TULP4: variants seen among roughly 807,000 people sequenced by gnomAD.
The protein encoded by TULP4 is tubby-related protein 4.
A neutral mutation model predicts 129.0 loss-of-function variants in TULP4; 16 were observed. That is an observed-to-expected ratio of 0.12 (90% CI 0.08 to 0.19). The LOEUF (loss-of-function observed/expected upper bound fraction) is 0.19. Ranked by LOEUF, TULP4 falls within the 10% of genes least tolerant of loss-of-function variation. TULP4 has a pLI of 1.00. For missense variants in TULP4, 1,842 were observed against 2,059.1 expected (o/e 0.89, Z 2.04); for synonymous variants, 998 against 854.0 (o/e 1.17, Z -2.94).
chr6:158,479,837 G>A lies in TULP4; in HGVS notation c.1113G>A (p.Glu371=), dbSNP rs750961147. 1.9e-6 allele frequency: 3 copies of A among 1,614,012 alleles called. No homozygotes were observed. Among genetic ancestry groups the A allele is most frequent in the Non-Finnish European group, 1.7e-6 (2 of 1,180,004 alleles). The part of the protein sequence containing the change: ...SGPALYVVRV[E]HRVSSLQLLC... ...CAGCCCTGTACGTGGTGCGTGTGGA[G>A]CACCGGGTGTCCAGCCTGCAGCTGC... The change falls in exon 7 of 14, where the codon GAG becomes GAA. Residue 371 remains glutamate (E), a synonymous_variant. Coordinates refer to ENST00000367097, the MANE Select transcript of TULP4 (RefSeq NM_020245.5).
intron 1 of TULP4, among the ~76,000 whole-genome samples, chr6:158,330,009 A>G (rs1779839886): frequency 7.5e-6 from 1 of 133,184 alleles, no homozygotes; most frequent in South Asian, 2.8e-4. Flanking sequence ...GTAATATTAA[A>G]TTTTAAATAG....
chr6:158,285,997 A>G (rs1002099494), intron 1 of TULP4, among the ~76,000 whole-genome samples: 3 of 152,370 alleles, frequency 2.0e-5, no homozygotes, highest in Middle Eastern at 3.4e-3. Flanking sequence ...CAAGTAAAAA[A>G]GATGGCAGCA....
At chr6:158,366,110 A>G (rs113319307) in intron 1 of TULP4, among the ~76,000 whole-genome samples, 2 of 151,654 alleles carry the variant, frequency 1.3e-5, no homozygotes, top group African/African-American at 4.8e-5. Flanking sequence ...TCACCATGTT[A>G]GCCAGGATGG....
At chr6:158,246,512 A>G (rs1182288766) in intron 1 of TULP4, among the ~76,000 whole-genome samples, 1 of 151,672 alleles carries the variant, frequency 6.6e-6, no homozygotes, top group Non-Finnish European at 1.5e-5. Context: ...AAAAAATTAA[A>G]TACATTATTT....
At chr6:158,427,127 A>G (rs1778512131) in intron 2 of TULP4, among the ~76,000 whole-genome samples, 1 of 152,222 alleles carries the variant, frequency 6.6e-6, no homozygotes, top group East Asian at 1.9e-4. Context: ...GTATATTCAT[A>G]CAACGGAATA....
At chr6:158,449,273 C>G (rs927060786) in intron 4 of TULP4, 97 bp downstream of exon 4, 1 of 1,304,446 alleles carries the variant, frequency 7.7e-7, no homozygotes, top group Non-Finnish European at 1.0e-6. Flanking sequence ...GGTGAAGGGC[C>G]GCCACACCTA....
chr6:158,460,680 T>C (rs528524013), intron 5 of TULP4, among the ~76,000 whole-genome samples: 176 of 152,306 alleles, frequency 1.2e-3, no homozygotes, highest in Middle Eastern at 6.8e-3. Flanking sequence ...CACAACATCA[T>C]CAAATGACAA....
At chr6:158,348,558 T>C (rs1012234092) in intron 1 of TULP4, among the ~76,000 whole-genome samples, 2 of 151,984 alleles carry the variant, frequency 1.3e-5, no homozygotes, top group Non-Finnish European at 2.9e-5. Flanking sequence ...CAAAATGGAG[T>C]CTCCTATGTC....
chr6:158,438,862 A>G (rs1375622323), intron 3 of TULP4, among the ~76,000 whole-genome samples: 1 of 152,086 alleles, frequency 6.6e-6, no homozygotes, highest in Non-Finnish European at 1.5e-5. Context: ...CACCTGGCCC[A>G]CAGATTTATA....
intron 1 of TULP4, among the ~76,000 whole-genome samples, chr6:158,330,219 T>C (rs1489333528): frequency 6.6e-6 from 1 of 152,230 alleles, no homozygotes; most frequent in Non-Finnish European, 1.5e-5. Context: ...TTGCCACATG[T>C]GGCTAGTAAC....
chr6:158,239,676 C>G (rs1777815604), intron 1 of TULP4, among the ~76,000 whole-genome samples: 1 of 68,834 alleles, frequency 1.5e-5, no homozygotes, highest in Non-Finnish European at 3.2e-5. Flanking sequence ...GGGCGGCTGG[C>G]CGGGCAGAGG....
chr6:158,422,341 T>C (rs567679328), intron 2 of TULP4, among the ~76,000 whole-genome samples: 3 of 152,264 alleles, frequency 2.0e-5, no homozygotes, highest in South Asian at 4.1e-4. Context: ...AAGATGCAGG[T>C]AGTTCAATGG....
intron 6 of TULP4, among the ~76,000 whole-genome samples, chr6:158,468,710 G>A (rs1779607823): frequency 6.6e-6 from 1 of 152,160 alleles, no homozygotes; most frequent in African/African-American, 2.4e-5. Flanking sequence ...CTTAGACTGG[G>A]TGATTTATAA....
rs185638482 is a variant in TULP4 at position 158,372,282 on chromosome 6, T to A, written c.253-40783T>A. Among the ~76,000 whole-genome samples, 4 of 151,358 alleles carry A rather than the reference T, an allele frequency of 2.6e-5. No homozygotes were observed. The East Asian group carries it at 7.8e-4, about 29-fold the overall frequency. ...TGATCAGGCTCTCTGAAGAGGACAGTCTATGACTGCATGATGATTTTAACT... is the reference window on the plus strand; with the variant it reads ...TGATCAGGCTCTCTGAAGAGGACAGACTATGACTGCATGATGATTTTAACT... On this transcript the variant is annotated intron_variant, in intron 1 of 13. Coordinates refer to ENST00000367097, the MANE Select transcript of TULP4 (RefSeq NM_020245.5).
rs761118041 is a variant in TULP4 at position 158,452,191 on chromosome 6, G to A, written c.782G>A (p.Ser261Asn). 6.2e-7 allele frequency: 1 copy of A among 1,614,210 alleles called. No homozygotes were observed. ...VQNIKPLLTV[S>N]FTSGDISLMN... ...AACATCAAGCCTCTGCTCACCGTCA[G>A]CTTCACCTCGGGAGACATCAGCTTA... Residue 261 changes from serine (S) to asparagine (N), a missense_variant, in exon 5 of 14, where the codon AGC (serine) becomes AAC (asparagine). Around this residue, in one of 5 missense-constraint regions of TULP4, gnomAD observed 456 missense variants for 534.3 expected, o/e 0.85. Transcript: ENST00000367097.
intron 13 of TULP4, among the ~76,000 whole-genome samples, chr6:158,504,408 G>A (rs6903058): frequency 0.37 from 55,460 of 151,308 alleles, 10,292 homozygotes; most frequent in South Asian, 0.44. Context: ...GTGCAGTGGC[G>A]CAGTCTTGGC....
rs1780711526 is a variant in TULP4 at position 158,510,430 on chromosome 6, A to G, written c.*3736A>G. The G allele has an allele frequency of 6.6e-6, 1 of 152,246 alleles. No homozygotes were observed. The highest frequency in any genetic ancestry group is 2.4e-5 in the African/African-American group (1 of 41,444). The allele number at this position is 152,246 out of a possible 1,614,324, so 9.4% of individuals were successfully genotyped here. ...AGGCCTCCACTTGTCCATCTGTGAA[A>G]TGAAAGGATCAGCCTGGACAGCCCT... On this transcript the variant is annotated 3_prime_UTR_variant, in exon 14 of 14. Coordinates refer to ENST00000367097, the MANE Select transcript of TULP4 (RefSeq NM_020245.5).
At chr6:158,505,726 C>T (rs997645877) in intron 13 of TULP4, among the ~76,000 whole-genome samples, 5 of 152,284 alleles carry the variant, frequency 3.3e-5, no homozygotes, top group South Asian at 2.1e-4. Flanking sequence ...CCTGAGGCAG[C>T]GGTGTTGGAC....
intron 1 of TULP4, among the ~76,000 whole-genome samples, chr6:158,276,915 T>C (rs1011610462): frequency 6.6e-6 from 1 of 151,728 alleles, no homozygotes; most frequent in Non-Finnish European, 1.5e-5. Flanking sequence ...CTGGTCTTCT[T>C]TTTTTTTGGT....
Sources: allele counts gnomAD v4.1 joint callset (sites outside exome capture counted in the v4.1 genomes callset), GRCh38; gene constraint gnomAD v4.1.1; regional missense constraint gnomAD v4.1.1; transcripts MANE v1.5; gene names NCBI Gene and HGNC (gene_info 2026-07-23, HGNC 2026-07-21).